Variants in LRP1B observed in about 807,000 individuals in gnomAD.
The protein encoded by LRP1B is low-density lipoprotein receptor-related protein 1B.
A neutral mutation model predicts 556.6 loss-of-function variants in LRP1B; 217 were observed. The observed-to-expected ratio is 0.39, with a 90% confidence interval of 0.35 to 0.44. The LOEUF is 0.44. LRP1B is among the 20% of genes least tolerant of loss of function. The pLI, the probability that LRP1B is intolerant of heterozygous loss-of-function variation, is 1.00. For missense variants in LRP1B, 5,053 were observed against 5,620.8 expected, an observed-to-expected ratio of 0.90 and a Z score of 3.23; for synonymous variants, 2,047 against 1,865.8, an observed-to-expected ratio of 1.10 and a Z score of -2.50.
At chr2:141,838,506 A>C (rs1045875994) in intron 1 of LRP1B, among the ~76,000 whole-genome samples, 2 of 152,222 alleles carry the variant, frequency 1.3e-5, no homozygotes, top group African/African-American at 4.8e-5. Flanking sequence ...GGACAAAATT[A>C]GGTAATAAGT....
chr2:140,238,789 T>C (rs1468873820), intron 88 of LRP1B, among the ~76,000 whole-genome samples: 1 of 150,808 alleles, frequency 6.6e-6, no homozygotes, highest in Non-Finnish European at 1.5e-5. Context: ...CCAAATAATG[T>C]ACGCTGTACC....
chr2:140,247,786 A>T (rs901885961), intron 86 of LRP1B, among the ~76,000 whole-genome samples: 2 of 151,700 alleles, frequency 1.3e-5, no homozygotes, highest in Non-Finnish European at 3.0e-5. Flanking sequence ...AAGAAGTAAA[A>T]GACAAGAATA....
At chr2:141,684,255 G>A (rs1049746727) in intron 2 of LRP1B, among the ~76,000 whole-genome samples, 57 of 152,078 alleles carry the variant, frequency 3.7e-4, no homozygotes, top group African/African-American at 9.9e-4. Context: ...CATATACACC[G>A]TGGAATACTA....
In LRP1B at chr2:141,364,270, A is replaced by AACACACACACACACAC. The variant is rs35479321; in HGVS notation, c.344-109645_344-109630dup. Among the ~76,000 whole-genome samples the AACACACACACACACAC allele has an allele frequency of 2.2e-3, 332 of 148,726 alleles. 1 individual carries two copies. The highest frequency in any genetic ancestry group is 6.0e-3 in the African/African-American group (243 of 40,538). On this transcript the variant is annotated intron_variant, in intron 3 of 90. Transcript: ENST00000389484. Reference sequence around the variant, plus strand: ...AATGAAGATATAACCTGGAGGAAATAACACACACACACACACACACACACG... The same window carrying AACACACACACACACAC: ...AATGAAGATATAACCTGGAGGAAATAACACACACACACACACACACACACACACACACACACACACG...
intron 15 of LRP1B, among the ~76,000 whole-genome samples, chr2:141,000,599 C>T (rs1057385539): frequency 6.6e-6 from 1 of 151,742 alleles, no homozygotes; most frequent in Non-Finnish European, 1.5e-5. Context: ...TTTCTTCCTA[C>T]ATTCCACTTG....
chr2:141,142,887 T>C (rs1291743908), intron 7 of LRP1B, among the ~76,000 whole-genome samples: 1 of 149,866 alleles, frequency 6.7e-6, no homozygotes, highest in African/African-American at 2.5e-5. Flanking sequence ...TTTGAATGAG[T>C]GAACTGGCAA....
At chr2:142,111,453 C>G (rs1706985999) in intron 1 of LRP1B, among the ~76,000 whole-genome samples, 1 of 152,050 alleles carries the variant, frequency 6.6e-6, no homozygotes, top group Admixed American at 6.6e-5. Flanking sequence ...ATACATTTCT[C>G]TCCTTGCATT....
At chr2:140,854,240 C>T (rs907302203) in intron 27 of LRP1B, among the ~76,000 whole-genome samples, 1 of 151,942 alleles carries the variant, frequency 6.6e-6, no homozygotes, top group Non-Finnish European at 1.5e-5. Context: ...TCACTTTGAA[C>T]ATCATTATTT....
intron 84 of LRP1B, among the ~76,000 whole-genome samples, chr2:140,275,853 T>C (rs1434387479): frequency 2.0e-5 from 3 of 151,948 alleles, no homozygotes; most frequent in Non-Finnish European, 4.4e-5. Context: ...AATATTTCTA[T>C]ACCCCTTGAA....
chr2:141,072,743 T>C (rs1325896057), intron 7 of LRP1B, among the ~76,000 whole-genome samples: 1 of 152,022 alleles, frequency 6.6e-6, no homozygotes, highest in Non-Finnish European at 1.5e-5. Context: ...ACCTCACATC[T>C]CTCAACTCCA....
At chr2:140,642,567 C>A in intron 41 of LRP1B, among the ~76,000 whole-genome samples, 1 of 152,198 alleles carries the variant, frequency 6.6e-6, no homozygotes, top group Non-Finnish European at 1.5e-5. Flanking sequence ...AGAGGCCGGG[C>A]ACGGTGGCTC....
At chr2:141,501,440 C>T (rs1040637559) in intron 2 of LRP1B, among the ~76,000 whole-genome samples, 7 of 152,106 alleles carry the variant, frequency 4.6e-5, no homozygotes, top group African/African-American at 1.7e-4. Flanking sequence ...AAAGAAAATA[C>T]AGCAGCCTGT....
intron 2 of LRP1B, among the ~76,000 whole-genome samples, chr2:141,747,599 T>A (rs1693961350): frequency 6.6e-6 from 1 of 152,172 alleles, no homozygotes. Flanking sequence ...ATATCCCGAC[T>A]GTACTGGGTG....
intron 5 of LRP1B, among the ~76,000 whole-genome samples, chr2:141,229,781 A>G (rs1683389683): frequency 6.6e-6 from 1 of 152,160 alleles, no homozygotes; most frequent in Non-Finnish European, 1.5e-5. Flanking sequence ...CTCTCCATAC[A>G]GTTTTGCAGG....
chr2:141,194,101 A>G (rs902202617), intron 6 of LRP1B, among the ~76,000 whole-genome samples: 9 of 152,110 alleles, frequency 5.9e-5, no homozygotes, highest in African/African-American at 7.2e-5. Flanking sequence ...TTGCAATCTT[A>G]TATCAGTACT....
chr2:140,649,992 T>G (rs2105317945), intron 41 of LRP1B, among the ~76,000 whole-genome samples: 1 of 152,316 alleles, frequency 6.6e-6, no homozygotes, highest in South Asian at 2.1e-4. Context: ...ACTGAAGCAC[T>G]TGTAAACAAA....
At chr2:141,826,083 C>T (rs1234410469) in intron 1 of LRP1B, among the ~76,000 whole-genome samples, 1 of 151,830 alleles carries the variant, frequency 6.6e-6, no homozygotes, top group East Asian at 1.9e-4. Flanking sequence ...ACATAGAAGA[C>T]AATCAAAAAG....
At chr2:140,295,228 T>C (rs1427404087) in intron 84 of LRP1B, among the ~76,000 whole-genome samples, 2 of 152,128 alleles carry the variant, frequency 1.3e-5, no homozygotes, top group African/African-American at 2.4e-5. Context: ...CCAGGTTGTA[T>C]TTTCATATAA....
At chr2:141,607,376 A>C (rs73965727) in intron 2 of LRP1B, among the ~76,000 whole-genome samples, 3 of 152,236 alleles carry the variant, frequency 2.0e-5, no homozygotes, top group Non-Finnish European at 4.4e-5. Context: ...TTCCTGACAC[A>C]TCCTTAAGCT....
Sources: gnomAD v4.1 joint callset for allele counts (sites outside exome capture counted in the v4.1 genomes callset) on GRCh38, gnomAD v4.1.1 for gene constraint, MANE v1.5 for transcripts, NCBI Gene and HGNC (gene_info 2026-07-23, HGNC 2026-07-21) for gene names.